Variants in PAK1 observed in about 807,000 individuals in gnomAD.
The protein encoded by PAK1 is p21 (RAC1) activated kinase 1, also known as serine/threonine-protein kinase PAK 1.
PAK1 carries 29 observed loss-of-function variants against 67.4 expected under a neutral mutation model. That is an observed-to-expected ratio of 0.43 (90% CI 0.32 to 0.59). PAK1 has a LOEUF of 0.59. Ranked by LOEUF, PAK1 falls within the 20% of genes least tolerant of loss-of-function variation. The pLI is 0.07. For synonymous variants in PAK1, 223 were observed against 237.4 expected, an observed-to-expected ratio of 0.94 and a Z score of 0.56; for missense variants, 337 against 670.7, an observed-to-expected ratio of 0.50 and a Z score of 5.50.
At chr11:77,490,331 G>A in the PAK1 span, among the ~76,000 whole-genome samples, 1 of 143,616 alleles carries the variant, frequency 7.0e-6, no homozygotes, top group Non-Finnish European at 1.5e-5. Context: ...GAGGGAGGTG[G>A]GGGGGTCAGC....
intron 11 of PAK1, among the ~76,000 whole-genome samples, chr11:77,340,338 G>A (rs1943404099): frequency 6.6e-6 from 1 of 152,072 alleles, no homozygotes; most frequent in African/African-American, 2.4e-5. Context: ...AGAGATAAAG[G>A]AATATATTAT....
intron 1 of PAK1, among the ~76,000 whole-genome samples, chr11:77,452,888 T>TGGCACATCAGCCCTGCCTCAC (rs1324835565): frequency 6.6e-6 from 1 of 152,218 alleles, no homozygotes; most frequent in Non-Finnish European, 1.5e-5. Context: ...CTTCCTAGGT[T>TGGCACATCAGCCCTGCCTCAC]GGCACATCAG....
rs145942412 is a variant in PAK1 at position 77,397,726 on chromosome 11, C to T, written c.-21-5185G>A. Among the ~76,000 whole-genome samples the T allele has an allele frequency of 2.2e-3, 333 of 152,252 alleles. 1 individual carries two copies. Among genetic ancestry groups the T allele is most frequent in the Non-Finnish European group, 3.1e-3 (208 of 68,018 alleles). On this transcript the variant is annotated intron_variant, in intron 1 of 14. Transcript: ENST00000356341. Reference sequence around the variant, plus strand: ...TTATTACCCTGGATTCCACAGTCACCGGTATAAAACAAAACCAAGTTAATC... The same window carrying T: ...TTATTACCCTGGATTCCACAGTCACTGGTATAAAACAAAACCAAGTTAATC...
At chr11:77,435,294 T>TA (rs1956070174) in intron 1 of PAK1, among the ~76,000 whole-genome samples, 1 of 152,148 alleles carries the variant, frequency 6.6e-6, no homozygotes, top group South Asian at 2.1e-4. Context: ...CCACTGGACT[T>TA]AAAGGGTCAG....
intron 1 of PAK1, among the ~76,000 whole-genome samples, chr11:77,411,353 C>T (rs1352194992): frequency 6.6e-6 from 1 of 151,874 alleles, no homozygotes; most frequent in Non-Finnish European, 1.5e-5. Context: ...CTGAATAGGA[C>T]CAGTCCCCCC....
intron 1 of PAK1, among the ~76,000 whole-genome samples, chr11:77,470,666 C>T (rs148433723): frequency 2.6e-4 from 40 of 152,102 alleles, no homozygotes; most frequent in African/African-American, 9.6e-4. Context: ...TCAAACAGGC[C>T]CTATATAGCT....
At chr11:77,496,087 C>T in the PAK1 span, among the ~76,000 whole-genome samples, 4 of 150,300 alleles carry the variant, frequency 2.7e-5, no homozygotes, top group Non-Finnish European at 5.9e-5. Flanking sequence ...GGCACCATCT[C>T]GGCTCACTGC....
chr11:77,343,521 A>C (rs1236608558), intron 10 of PAK1, among the ~76,000 whole-genome samples: 2 of 152,308 alleles, frequency 1.3e-5, no homozygotes, highest in Middle Eastern at 3.4e-3. Flanking sequence ...AAAATGAGTT[A>C]AGGACCTAGA....
At chr11:77,379,760 C>G in intron 3 of PAK1, 134 bp downstream of exon 3, 1 of 664,398 alleles carries the variant, frequency 1.5e-6, no homozygotes, top group Non-Finnish European at 2.6e-6. Context: ...GTGTCCCACT[C>G]ATGAACGTGA....
upstream of PAK1, chr11:77,474,388 A>G (rs1212217101): frequency 2.0e-5 from 3 of 151,146 alleles, no homozygotes; most frequent in East Asian, 5.9e-4. Flanking sequence ...CTGGGGAATC[A>G]CCCGCTTGCT....
chr11:77,345,176 T>C (rs745675714), intron 9 of PAK1, among the ~76,000 whole-genome samples: 19 of 152,170 alleles, frequency 1.2e-4, no homozygotes, highest in Non-Finnish European at 2.2e-4. Flanking sequence ...GTGTGTATGT[T>C]TGTGTGTATT....
chr11:77,408,034 T>C (rs1953888886), intron 1 of PAK1: 1 of 152,222 alleles, frequency 6.6e-6, no homozygotes, highest in African/African-American at 2.4e-5. Flanking sequence ...TATAAGAGAA[T>C]AGATATCACC....
chr11:77,446,738 T>A (rs1254007069), intron 1 of PAK1, among the ~76,000 whole-genome samples: 1 of 151,940 alleles, frequency 6.6e-6, no homozygotes, highest in Non-Finnish European at 1.5e-5. Context: ...TGAAAACACA[T>A]TTACTTATGT....
At chr11:77,523,650 C>G in the PAK1 span, among the ~76,000 whole-genome samples, 1 of 152,134 alleles carries the variant, frequency 6.6e-6, no homozygotes, top group East Asian at 1.9e-4. Flanking sequence ...AAACTCCTGA[C>G]CTCGTGATCC....
intron 14 of PAK1, among the ~76,000 whole-genome samples, chr11:77,327,214 T>G (rs529713942): frequency 7.9e-5 from 12 of 150,960 alleles, no homozygotes; most frequent in South Asian, 2.1e-4. Context: ...CACTCTGCAG[T>G]ATATTATCCA....
Position 77,458,763 on chromosome 11 carries a change from G to T in PAK1, c.-22+14789C>A, listed in dbSNP as rs529425879. Among the ~76,000 whole-genome samples, 37 of 152,322 alleles carry T rather than the reference G, an allele frequency of 2.4e-4. No homozygotes were observed. In the South Asian group the frequency reaches 7.7e-3, roughly 32 times the overall value. On this transcript the variant is annotated intron_variant, in intron 1 of 14. Coordinates refer to ENST00000356341, the MANE Select transcript of PAK1 (RefSeq NM_002576.5). Reference sequence around the variant, plus strand: ...TACTAATTATAGTGCAAAGGACGGAGAGAGTACTACGAAAATTCAAGAAAG... The same window carrying T: ...TACTAATTATAGTGCAAAGGACGGATAGAGTACTACGAAAATTCAAGAAAG...
chr11:77,490,328 G>T, the PAK1 span, among the ~76,000 whole-genome samples: 2 of 140,234 alleles, frequency 1.4e-5, no homozygotes, highest in Non-Finnish European at 1.6e-5. Flanking sequence ...CGGGAGGGAG[G>T]TGGGGGGGTC....
At chr11:77,397,111 G>A (rs1951931933) in intron 1 of PAK1, 1 of 152,212 alleles carries the variant, frequency 6.6e-6, no homozygotes, top group African/African-American at 2.4e-5. Context: ...ATAAAGCTAG[G>A]CATGAGGCCA....
chr11:77,406,990 A>G (rs1953678237), intron 1 of PAK1, among the ~76,000 whole-genome samples: 1 of 152,222 alleles, frequency 6.6e-6, no homozygotes, highest in Non-Finnish European at 1.5e-5. Context: ...CCTAGGAGTC[A>G]GGGGACTTGT....
Sources: allele counts gnomAD v4.1 joint callset (sites outside exome capture counted in the v4.1 genomes callset), GRCh38; gene constraint gnomAD v4.1.1; transcripts MANE v1.5; gene names NCBI Gene and HGNC (gene_info 2026-07-23, HGNC 2026-07-21).